The following GRAMD1B variants were observed in gnomAD, a reference collection of about 807,000 sequenced individuals.
GRAMD1B encodes protein Aster-B.
Under a neutral mutation model 99.7 loss-of-function variants are expected in GRAMD1B, and 37 were observed. That is an observed-to-expected ratio of 0.37 (90% confidence interval 0.29 to 0.49). The LOEUF is 0.49. GRAMD1B is among the 20% of genes least tolerant of loss of function. The pLI, the probability that GRAMD1B is intolerant of heterozygous loss-of-function variation, is 0.98. For synonymous variants in GRAMD1B, 427 were observed against 387.6 expected (o/e 1.10, Z -1.19); for missense variants, 888 against 1,009.2 (o/e 0.88, Z 1.63).
At chr11:123,570,945 A>G (rs1737983286) in intron 2 of GRAMD1B, among the ~76,000 whole-genome samples, 1 of 152,168 alleles carries the variant, frequency 6.6e-6, no homozygotes, top group African/African-American at 2.4e-5. Flanking sequence ...AACGAAGTCA[A>G]CACTTCATTG....
chr11:123,375,910 G>A (rs1946677570), intron 1 of GRAMD1B, among the ~76,000 whole-genome samples: 1 of 152,124 alleles, frequency 6.6e-6, no homozygotes, highest in Non-Finnish European at 1.5e-5. Context: ...GTTGTTTCTG[G>A]GGGAAGAACA....
At chr11:123,468,795 C>A (rs368115830) in intron 1 of GRAMD1B, among the ~76,000 whole-genome samples, 1,183 of 97,604 alleles carry the variant, frequency 0.012, no homozygotes, top group South Asian at 0.014. Context: ...GACCCTGTAT[C>A]AAAAAAAAAA....
chr11:123,364,993 T>C (rs527861173), intron 1 of GRAMD1B, among the ~76,000 whole-genome samples: 1 of 152,354 alleles, frequency 6.6e-6, no homozygotes, highest in Admixed American at 6.5e-5. Flanking sequence ...TTCATTATTC[T>C]TATTTTATTG....
intron 3 of GRAMD1B, among the ~76,000 whole-genome samples, chr11:123,578,146 CA>C (rs1472357334): frequency 1.1e-4 from 16 of 152,114 alleles, no homozygotes; most frequent in African/African-American, 3.6e-4. Flanking sequence ...AAATAGGCCC[CA>C]GGGGGGCCTG....
intron 1 of GRAMD1B, among the ~76,000 whole-genome samples, chr11:123,385,958 G>T (rs1365770060): frequency 6.6e-6 from 1 of 152,146 alleles, no homozygotes; most frequent in South Asian, 2.1e-4. Flanking sequence ...CCAAAGGAGG[G>T]ACGGGAAAAT....
chr11:123,520,826 A>G (rs1942140598), intron 2 of GRAMD1B, among the ~76,000 whole-genome samples: 1 of 151,086 alleles, frequency 6.6e-6, no homozygotes. Flanking sequence ...AATAATATTT[A>G]TAAAATATAT....
intron 1 of GRAMD1B, among the ~76,000 whole-genome samples, chr11:123,447,107 T>C (rs1050538193): frequency 6.6e-6 from 1 of 151,604 alleles, no homozygotes; most frequent in African/African-American, 2.4e-5. Context: ...GACTAAAGCA[T>C]GAAAAAAAAA....
intron 7 of GRAMD1B, among the ~76,000 whole-genome samples, chr11:123,597,231 G>A (rs1376267341): frequency 7.0e-6 from 1 of 142,606 alleles, no homozygotes; most frequent in East Asian, 2.0e-4. Flanking sequence ...CTTAGTAGCT[G>A]GGACTACAGT....
intron 2 of GRAMD1B, among the ~76,000 whole-genome samples, chr11:123,481,868 C>G (rs1021539765): frequency 2.0e-5 from 3 of 152,184 alleles, no homozygotes; most frequent in Admixed American, 1.3e-4. Flanking sequence ...ACCGCAGGGG[C>G]TCTGCTTTTG....
At chr11:123,530,861 C>A (rs145596307) in intron 2 of GRAMD1B, among the ~76,000 whole-genome samples, 1 of 152,126 alleles carries the variant, frequency 6.6e-6, no homozygotes, top group Non-Finnish European at 1.5e-5. Context: ...GAACCAGAAC[C>A]CTGTAATCAC....
chr11:123,575,505 C>T (rs1259247408), intron 2 of GRAMD1B, among the ~76,000 whole-genome samples: 1 of 152,134 alleles, frequency 6.6e-6, no homozygotes, highest in Admixed American at 6.5e-5. Flanking sequence ...TTTGAGCAAA[C>T]TATTATAGTT....
At chr11:123,445,870 A>G (rs1011660559) in intron 1 of GRAMD1B, among the ~76,000 whole-genome samples, 1 of 151,882 alleles carries the variant, frequency 6.6e-6, no homozygotes, top group African/African-American at 2.4e-5. Context: ...ACCCCAGGAA[A>G]GAGGATTGGT....
intron 2 of GRAMD1B, among the ~76,000 whole-genome samples, chr11:123,536,379 G>A (rs1422163921): frequency 6.6e-6 from 1 of 152,018 alleles, no homozygotes; most frequent in African/African-American, 2.4e-5. Context: ...CTAACCACTG[G>A]ACTCCAGCCT....
chr11:123,383,052 C>T (rs1946937094), intron 1 of GRAMD1B, among the ~76,000 whole-genome samples: 1 of 152,112 alleles, frequency 6.6e-6, no homozygotes, highest in Non-Finnish European at 1.5e-5. Flanking sequence ...GGCTGTGTAG[C>T]AAGATGGGGG....
intron 1 of GRAMD1B, among the ~76,000 whole-genome samples, chr11:123,402,965 ATCT>A (rs1045610986): frequency 9.8e-6 from 1 of 102,016 alleles, no homozygotes; most frequent in Non-Finnish European, 1.8e-5. Flanking sequence ...AGGATTAAAA[ATCT>A]TTTTTTTTTT....
intron 2 of GRAMD1B, among the ~76,000 whole-genome samples, chr11:123,566,080 G>T (rs1485645205): frequency 6.6e-6 from 1 of 152,148 alleles, no homozygotes; most frequent in African/African-American, 2.4e-5. Context: ...ACATTCCACT[G>T]CTAATCCTGT....
intron 2 of GRAMD1B, among the ~76,000 whole-genome samples, chr11:123,505,096 C>T (rs777195744): frequency 1.3e-5 from 2 of 152,196 alleles, no homozygotes; most frequent in African/African-American, 2.4e-5. Context: ...ACACCCTGTT[C>T]GGCAAGTATC....
intron 8 of GRAMD1B, 53 bp downstream of exon 8, chr11:123,600,601 C>G (rs1951828166): frequency 1.8e-6 from 2 of 1,102,708 alleles, no homozygotes; most frequent in Non-Finnish European, 2.8e-6. Flanking sequence ...TCTAGAGAAG[C>G]CTTTGTCTCC....
chr11:123,527,943 CA>C (rs1942962685), intron 2 of GRAMD1B, among the ~76,000 whole-genome samples: 1 of 152,180 alleles, frequency 6.6e-6, no homozygotes, highest in South Asian at 2.1e-4. Flanking sequence ...ACAAGGAGAG[CA>C]GTGTTAATCT....
Sources: gnomAD v4.1 joint callset for allele counts (sites outside exome capture counted in the v4.1 genomes callset) on GRCh38, gnomAD v4.1.1 for gene constraint, MANE v1.5 for transcripts, NCBI Gene and HGNC (gene_info 2026-07-23, HGNC 2026-07-21) for gene names.